POU2F2: variants seen among roughly 807,000 people sequenced by gnomAD.
The protein encoded by POU2F2 is POU domain, class 2, transcription factor 2.
Under a neutral mutation model 63.5 loss-of-function variants are expected in POU2F2, and 14 were observed. The observed-to-expected ratio is 0.22, with a 90% CI of 0.15 to 0.34. The LOEUF (loss-of-function observed/expected upper bound fraction) is 0.34, where lower values mean the gene tolerates loss of function less well. Among genes scored for constraint, POU2F2 ranks in the 10% least tolerant of loss-of-function variants. The probability of loss-of-function intolerance (pLI) is 1.00; values close to 1 mark genes in which losing one functional copy is unlikely to be tolerated. For missense variants in POU2F2, 607 were observed against 815.2 expected (o/e 0.74, Z 3.11); for synonymous variants, 306 against 348.6 (o/e 0.88, Z 1.36).
At chr19:42,137,226 C>A (rs76403881), upstream of POU2F2, 610 of 152,242 alleles carry the variant, frequency 4.0e-3, 3 homozygotes, top group South Asian at 0.02. Flanking sequence ...GTAGTCCTGG[C>A]TCCTCTGGAG....
chr19:42,142,472 G>A (rs578203779), intron 2 of POU2F2, among the ~76,000 whole-genome samples: 126 of 152,266 alleles, frequency 8.3e-4, no homozygotes, highest in African/African-American at 2.0e-3. Context: ...TTACAGGCAT[G>A]AGCCACTGTG....
At chr19:42,100,827 C>T (rs761048525) in intron 5 of POU2F2, among the ~76,000 whole-genome samples, 1 of 151,194 alleles carries the variant, frequency 6.6e-6, no homozygotes, top group East Asian at 2.0e-4. Context: ...TGGCTGGGCA[C>T]GGTGGCTCAC....
intron 1 of POU2F2, among the ~76,000 whole-genome samples, chr19:42,128,458 C>T (rs1023963403): frequency 2.0e-5 from 3 of 152,200 alleles, no homozygotes; most frequent in Non-Finnish European, 4.4e-5. Context: ...ATACTCCCTG[C>T]CCCACACTTG....
At chr19:42,192,856 C>T (rs2035088341) in intron 1 of POU2F2, among the ~76,000 whole-genome samples, 1 of 152,140 alleles carries the variant, frequency 6.6e-6, no homozygotes, top group Non-Finnish European at 1.5e-5. Context: ...AGCTCTCATT[C>T]AGTGCTGGTG....
upstream of POU2F2, among the ~76,000 whole-genome samples, chr19:42,180,138 A>ACAG: frequency 6.6e-6 from 1 of 152,022 alleles, no homozygotes; most frequent in South Asian, 2.1e-4. Flanking sequence ...CCACCTACCA[A>ACAG]CCAGCCTCCC....
upstream of POU2F2, among the ~76,000 whole-genome samples, chr19:42,136,507 A>G (rs1270343248): frequency 8.0e-6 from 1 of 125,424 alleles, no homozygotes; most frequent in East Asian, 2.4e-4. Context: ...TATTTGAACC[A>G]ATATATTATT....
intron 5 of POU2F2, among the ~76,000 whole-genome samples, chr19:42,112,917 T>C (rs1467978414): frequency 1.3e-5 from 2 of 152,092 alleles, no homozygotes; most frequent in East Asian, 3.9e-4. Flanking sequence ...TGCCCTGTTT[T>C]CTCACTTTGC....
chr19:42,096,020 C>A lies in POU2F2; in HGVS notation c.729+62G>T, dbSNP rs2076908929. On this transcript the variant is annotated intron_variant, in intron 8 of 14. Transcript: ENST00000692977. The surrounding 1 kb of genome is among the most constrained non-coding windows in gnomAD (Gnocchi z 4.1). The stretch of plus-strand genomic sequence containing the variant: ...GCCCGCCCACTGGCCACGCCCCTCG[C>A]GGCATCTATCAACTGGCCACGCCCC... The A allele has an allele frequency of 3.7e-6, 6 of 1,609,542 alleles. No individual in the cohort carries two copies. Among genetic ancestry groups the A allele is most frequent in the African/African-American group, 2.7e-5 (2 of 74,938 alleles).
chr19:42,104,174 T>C (rs2077249792), intron 5 of POU2F2, among the ~76,000 whole-genome samples: 1 of 152,140 alleles, frequency 6.6e-6, no homozygotes, highest in South Asian at 2.1e-4. Context: ...CACTGAGATA[T>C]CATTTTTACC....
At position 42,087,071 on chromosome 19, in the gene POU2F2, T is replaced by A. The variant is rs1349173356; in HGVS notation, c.*4186A>T. 1.3e-5 allele frequency: 2 copies of A among 151,750 alleles called. No homozygotes were observed. The highest frequency in any genetic ancestry group is 2.9e-5 in the Non-Finnish European group (2 of 67,946). The allele number at this position is 151,750 out of a possible 1,614,324, so 9.4% of individuals were successfully genotyped here. A position where few individuals can be genotyped will look rare whatever the true frequency, so the allele number is the denominator to read the frequency against. On this transcript the variant is annotated 3_prime_UTR_variant, in exon 15 of 15. Transcript: ENST00000692977. The stretch of plus-strand genomic sequence containing the variant: ...CTTGGAGTTTTTGTGTATTTTTTTT[T>A]ATTTTTATTTTTAATTTTTTTTCAC...
rs1022156099 is a variant in POU2F2, at chr19:42,088,472, G to A, written c.*2785C>T. 6.6e-6 allele frequency: 1 copy of A among 151,514 alleles called. No homozygotes were observed. The highest frequency in any genetic ancestry group is 6.6e-5 in the Admixed American group (1 of 15,224). 9.4% of individuals were successfully genotyped at this position (151,514 alleles called of 1,614,324 possible). ...GGGGAGGAAGCAGGATGAAGTGGGT[G>A]GTGGTGAGTCCTGGATTTTCTTTCC... On this transcript the variant is annotated 3_prime_UTR_variant, in exon 15 of 15. Transcript: ENST00000692977.
chr19:42,145,463 G>A (rs2034211188), intron 2 of POU2F2, among the ~76,000 whole-genome samples: 3 of 152,192 alleles, frequency 2.0e-5, no homozygotes, highest in Admixed American at 2.0e-4. Flanking sequence ...TTAACTTAAC[G>A]GAACTGTATT....
At chr19:42,167,953 G>C (rs905306239) in intron 1 of POU2F2, among the ~76,000 whole-genome samples, 2 of 152,198 alleles carry the variant, frequency 1.3e-5, no homozygotes, top group African/African-American at 2.4e-5. Flanking sequence ...GCCTCATCTG[G>C]GTGACTGGGC....
intron 2 of POU2F2, among the ~76,000 whole-genome samples, chr19:42,154,849 C>T (rs573297174): frequency 6.6e-6 from 1 of 152,244 alleles, no homozygotes; most frequent in South Asian, 2.1e-4. Context: ...TCCTCTGGGC[C>T]CCTGTGAGCC....
At chr19:42,197,512 A>G (rs571428432), upstream of POU2F2, among the ~76,000 whole-genome samples, 2 of 152,124 alleles carry the variant, frequency 1.3e-5, no homozygotes, top group South Asian at 4.2e-4. Context: ...GGGCAGGGGC[A>G]CCCATCCCTG....
rs1210236039 is a variant in POU2F2 at position 42,143,606 on chromosome 19, G to A, written c.-9+16726C>T. Among the ~76,000 whole-genome samples, 9 of 152,162 alleles carry A rather than the reference G, an allele frequency of 5.9e-5. 1 individual carries two copies. The highest frequency in any genetic ancestry group is 1.7e-4 in the African/African-American group (7 of 41,428). On this transcript the variant is annotated intron_variant, in intron 2 of 6. Coordinates refer to the POU2F2 transcript ENST00000524801. The stretch of plus-strand genomic sequence containing the variant: ...AGGCCACAGAGAAGGCCAGCAAAGC[G>A]AGCCAGCTTCAAGATGCCTCATTCT...
At position 42,090,564 on chromosome 19, in the gene POU2F2, C is replaced by T. The variant is rs2076679521; in HGVS notation, c.*693G>A. The T allele has an allele frequency of 6.5e-6, 1 of 152,720 alleles. No homozygotes were observed. The highest frequency in any genetic ancestry group is 1.5e-5 in the Non-Finnish European group (1 of 68,062). The allele number at this position is 152,720 out of a possible 1,614,324, so 9.5% of individuals were successfully genotyped here. ...GAGAAGGGGACACATGGTAGGGACA[C>T]ATTCTGTTGAGCACAATGCTAAAAA... On this transcript the variant is annotated 3_prime_UTR_variant, in exon 15 of 15. Coordinates refer to ENST00000692977, the MANE Select transcript of POU2F2 (RefSeq NM_001394376.1). This position sits in a 1 kb window ranked among gnomAD's most constrained non-coding sequence, Gnocchi z 4.4.
At chr19:42,103,877 C>T (rs1010496221) in intron 5 of POU2F2, among the ~76,000 whole-genome samples, 1 of 151,730 alleles carries the variant, frequency 6.6e-6, no homozygotes, top group Non-Finnish European at 1.5e-5. Context: ...TCGTGATCCG[C>T]CTGCCTCGGC....
In POU2F2 at chr19:42,095,304, G is replaced by C. The variant is rs1442218486; in HGVS notation, c.1179C>G (p.Ala393=). The change falls in exon 11 of 15, where the codon GCC becomes GCG. Residue 393 remains alanine, a synonymous_variant. Coordinates refer to ENST00000692977, the MANE Select transcript of POU2F2 (RefSeq NM_001394376.1). The surrounding 1 kb of genome is among the most constrained non-coding windows in gnomAD (Gnocchi z 7.1). ...APMLPSPGKP[A]SYSPHMVTPQ... is the part of the protein sequence containing the mutation. ...TTGGTACCATATGGGGGCTGTAGCT[G>C]GCCGGCTTCCCTGGGCTGGGCAGCA... 6.2e-7 allele frequency: 1 copy of C among 1,613,498 alleles called. No individual in the cohort carries two copies. Among genetic ancestry groups the C allele is most frequent in the East Asian group, 2.2e-5 (1 of 44,880 alleles).
Sources: gnomAD v4.1 joint callset for allele counts (sites outside exome capture counted in the v4.1 genomes callset) on GRCh38, gnomAD v4.1.1 for gene constraint, Gnocchi (gnomAD v3.1) non-coding constraint, MANE v1.5 for transcripts, NCBI Gene and HGNC (gene_info 2026-07-23, HGNC 2026-07-21) for gene names.